ELAPOR2: variants seen among roughly 807,000 people sequenced by gnomAD.
ELAPOR2 encodes the protein endosome/lysosome-associated apoptosis and autophagy regulator family member 2.
ELAPOR2 carries 89 observed loss-of-function variants against 120.7 expected under a neutral mutation model. The ratio of observed to expected loss-of-function variants is 0.74; its 90% CI spans 0.62 to 0.88. ELAPOR2 has a LOEUF of 0.88. Among genes scored for constraint, ELAPOR2 ranks in the 40% least tolerant of loss-of-function variants. The pLI, the probability that ELAPOR2 is intolerant of heterozygous loss-of-function variation, is 0.00. For missense variants in ELAPOR2, 1,134 were observed against 1,251.6 expected (o/e 0.91, Z 1.42); for synonymous variants, 444 against 444.9 (o/e 1.00, Z 0.03).
Position 86,919,274 on chromosome 7 carries a change from G to A in ELAPOR2, c.1436C>T (p.Ala479Val). ...CAGGTAATCATTGTCAGAACCTCCA[G>A]CCCCACTCTGGATATGATCTCCAGC... is the stretch of plus-strand genomic sequence containing the variant. ...EVAGDHIQSG[A>V]GGSDNDYLIL... Residue 479 changes from alanine to valine, a missense_variant, in exon 11 of 22, where the codon GCT becomes GTT. Physicochemically the swap from Ala to Val is moderately conservative, Grantham distance 64. This residue lies in a region of ELAPOR2 where 831 missense variants were observed against 867.6 expected (regional missense o/e 0.96). Transcript: ENST00000450689. 6.2e-7 allele frequency: 1 copy of A among 1,611,478 alleles called. No homozygotes were observed.
At chr7:86,943,682 T>C (rs1176851925) in intron 4 of ELAPOR2, among the ~76,000 whole-genome samples, 1 of 152,080 alleles carries the variant, frequency 6.6e-6, no homozygotes, top group Non-Finnish European at 1.5e-5. Context: ...CACAATTAGA[T>C]AACTGCTTTG....
At chr7:86,947,083 C>T (rs1791041784) in intron 3 of ELAPOR2, among the ~76,000 whole-genome samples, 1 of 152,142 alleles carries the variant, frequency 6.6e-6, no homozygotes, top group East Asian at 1.9e-4. Context: ...TCCTGAGAGG[C>T]TACTCTTGTC....
chr7:87,025,883 A>G (rs1175302769), intron 1 of ELAPOR2, among the ~76,000 whole-genome samples: 3 of 152,154 alleles, frequency 2.0e-5, no homozygotes, highest in African/African-American at 7.2e-5. Flanking sequence ...TCAATTAGAA[A>G]TGTTTATCAA....
intron 1 of ELAPOR2, among the ~76,000 whole-genome samples, chr7:87,013,365 G>C (rs751386328): frequency 3.9e-5 from 6 of 152,106 alleles, no homozygotes; most frequent in Non-Finnish European, 5.9e-5. Flanking sequence ...ATGTATTCAA[G>C]TCCCTCATAC....
At chr7:87,040,850 A>G (rs1326383508) in intron 1 of ELAPOR2, among the ~76,000 whole-genome samples, 2 of 152,148 alleles carry the variant, frequency 1.3e-5, no homozygotes, top group Non-Finnish European at 2.9e-5. Flanking sequence ...AAGGCAAAGA[A>G]GTTGAAAACT....
intron 1 of ELAPOR2, among the ~76,000 whole-genome samples, chr7:87,035,253 A>G (rs181897479): frequency 1.3e-5 from 2 of 152,316 alleles, no homozygotes; most frequent in Admixed American, 1.3e-4. Flanking sequence ...ATTAGAACTC[A>G]TGGCTCCTAC....
At chr7:86,964,478 T>A (rs1239165550) in intron 2 of ELAPOR2, among the ~76,000 whole-genome samples, 1 of 152,190 alleles carries the variant, frequency 6.6e-6, no homozygotes, top group Admixed American at 6.5e-5. Flanking sequence ...GAAAGATTTC[T>A]GTGGATGGAT....
intron 1 of ELAPOR2, among the ~76,000 whole-genome samples, chr7:86,975,407 G>A (rs1792250229): frequency 6.6e-6 from 1 of 152,132 alleles, no homozygotes. Context: ...AACTGACCCT[G>A]TAAGAATCTC....
chr7:86,985,826 C>A (rs1407251599), intron 1 of ELAPOR2, among the ~76,000 whole-genome samples: 5 of 151,606 alleles, frequency 3.3e-5, no homozygotes, highest in African/African-American at 7.3e-5. Context: ...CCTGCCCCCA[C>A]CCCACAACAG....
At chr7:86,934,819 T>C (rs1195638288) in intron 8 of ELAPOR2, among the ~76,000 whole-genome samples, 1 of 151,974 alleles carries the variant, frequency 6.6e-6, no homozygotes, top group Admixed American at 6.6e-5. Context: ...TGGTCAAAAC[T>C]GTACTCATGG....
At chr7:87,042,041 A>G (rs938092856) in intron 1 of ELAPOR2, among the ~76,000 whole-genome samples, 2 of 145,246 alleles carry the variant, frequency 1.4e-5, no homozygotes, top group African/African-American at 5.2e-5. Flanking sequence ...TAAAGGGATC[A>G]ATTCAACAAG....
chr7:86,996,231 T>C (rs1425719260), intron 1 of ELAPOR2, among the ~76,000 whole-genome samples: 1 of 152,138 alleles, frequency 6.6e-6, no homozygotes, highest in Admixed American at 6.5e-5. Flanking sequence ...AGCTCTACTT[T>C]AAATAGGGTG....
intron 1 of ELAPOR2, among the ~76,000 whole-genome samples, chr7:86,997,722 C>T (rs961377836): frequency 1.3e-5 from 2 of 152,088 alleles, no homozygotes; most frequent in African/African-American, 4.8e-5. Flanking sequence ...CCATGGTCTC[C>T]GGACCAAGGG....
intron 1 of ELAPOR2, among the ~76,000 whole-genome samples, chr7:87,023,429 T>C (rs1238659321): frequency 6.6e-6 from 1 of 152,228 alleles, no homozygotes; most frequent in Non-Finnish European, 1.5e-5. Context: ...TCTATATCTC[T>C]GTTTTGGTAC....
chr7:86,926,199 T>TA (rs1790058964), intron 9 of ELAPOR2, among the ~76,000 whole-genome samples: 1 of 152,054 alleles, frequency 6.6e-6, no homozygotes, highest in South Asian at 2.1e-4. Flanking sequence ...AAGCCTGATT[T>TA]AAATTGACAT....
intron 8 of ELAPOR2, among the ~76,000 whole-genome samples, chr7:86,931,129 A>C (rs1316404595): frequency 6.6e-6 from 1 of 151,962 alleles, no homozygotes; most frequent in Non-Finnish European, 1.5e-5. Flanking sequence ...AAGTTACTTA[A>C]CCTCATTAAG....
At position 86,912,078 on chromosome 7, in the gene ELAPOR2, C is replaced by A. The variant is rs1789338986; in HGVS notation, c.2163G>T (p.Gly721=). 1 of 1,603,146 alleles carries A rather than the reference C, an allele frequency of 6.2e-7. No homozygotes were observed. Residue 721 remains glycine, a synonymous_variant, in exon 15 of 22, where the codon GGG becomes GGT. Coordinates refer to ENST00000450689, the MANE Select transcript of ELAPOR2 (RefSeq NM_001142749.3). The part of the protein sequence containing the change: ...YFHFFNISLC[G]HEGKKMALCT... ...CTTGACAGCCAGAACTCACCTCATG[C>A]CCACATAAACTGATATTGAAGAAAT... is the stretch of plus-strand genomic sequence containing the variant.
chr7:87,039,757 G>T (rs56405643), intron 1 of ELAPOR2, among the ~76,000 whole-genome samples: 1 of 151,734 alleles, frequency 6.6e-6, no homozygotes, highest in Admixed American at 6.6e-5. Flanking sequence ...GGAACATACC[G>T]AGGGAGGAGC....
rs1430344993 is a variant in ELAPOR2 at position 86,877,242 on chromosome 7, T to C, written c.*3229A>G. On this transcript the variant is annotated 3_prime_UTR_variant, in exon 22 of 22. Transcript: ENST00000450689. ...TAAAAATGTTAAAATAAAAGTAAAATCCAGCAAGAGAATAATCTGTAGCCA... is the reference window on the plus strand; with the variant it reads ...TAAAAATGTTAAAATAAAAGTAAAACCCAGCAAGAGAATAATCTGTAGCCA... 6.6e-6 allele frequency: 1 copy of C among 152,130 alleles called. No individual in the cohort carries two copies. The highest frequency in any genetic ancestry group is 1.5e-5 in the Non-Finnish European group (1 of 68,022). 9.4% of individuals were successfully genotyped at this position (152,130 alleles called of 1,614,324 possible). A position where few individuals can be genotyped will look rare whatever the true frequency, so the allele number is the denominator to read the frequency against.
Sources: allele counts gnomAD v4.1 joint callset (sites outside exome capture counted in the v4.1 genomes callset), GRCh38; gene constraint gnomAD v4.1.1; regional missense constraint gnomAD v4.1.1; transcripts MANE v1.5; gene names NCBI Gene and HGNC (gene_info 2026-07-23, HGNC 2026-07-21).